Variants in OPCML observed in about 807,000 individuals in gnomAD.
OPCML encodes the protein opioid-binding protein/cell adhesion molecule.
A neutral mutation model predicts 37.8 loss-of-function variants in OPCML; 13 were observed. The observed-to-expected ratio is 0.34, with a 90% CI of 0.22 to 0.55. The LOEUF (loss-of-function observed/expected upper bound fraction) is 0.55, where lower values mean the gene tolerates loss of function less well. Among genes scored for constraint, OPCML ranks in the 20% least tolerant of loss-of-function variants. The pLI, the probability that OPCML is intolerant of heterozygous loss-of-function variation, is 0.91. For synonymous variants in OPCML, 176 were observed against 168.8 expected (o/e 1.04, Z -0.33); for missense variants, 341 against 435.6 (o/e 0.78, Z 1.93).
At chr11:132,543,891 C>A (rs1423510604) in intron 3 of OPCML, among the ~76,000 whole-genome samples, 1 of 151,942 alleles carries the variant, frequency 6.6e-6, no homozygotes, top group Non-Finnish European at 1.5e-5. Flanking sequence ...TTTTTCAAAT[C>A]TTTAAAACCT....
intron 2 of OPCML, among the ~76,000 whole-genome samples, chr11:132,750,916 G>A (rs1223704443): frequency 6.6e-6 from 1 of 151,532 alleles, no homozygotes; most frequent in Non-Finnish European, 1.5e-5. Context: ...GTATTAACAC[G>A]GTATATTTTC....
intron 1 of OPCML, among the ~76,000 whole-genome samples, chr11:133,108,793 C>T (rs893405962): frequency 8.4e-6 from 1 of 118,646 alleles, no homozygotes; most frequent in African/African-American, 3.4e-5. Context: ...CAGCGCTTTG[C>T]AAACTACAGG....
At chr11:132,798,091 A>G (rs1374143445) in intron 2 of OPCML, among the ~76,000 whole-genome samples, 1 of 151,900 alleles carries the variant, frequency 6.6e-6, no homozygotes. Context: ...TTATTTATGT[A>G]TTTATTTTTG....
intron 1 of OPCML, among the ~76,000 whole-genome samples, chr11:133,028,525 G>C (rs1254176947): frequency 5.8e-5 from 1 of 17,182 alleles, no homozygotes; most frequent in Non-Finnish European, 8.5e-5. Context: ...GATAAGGAGC[G>C]TGTGTGTGTG....
At chr11:132,457,731 G>A (rs2096087314) in intron 4 of OPCML, among the ~76,000 whole-genome samples, 1 of 152,158 alleles carries the variant, frequency 6.6e-6, no homozygotes, top group African/African-American at 2.4e-5. Flanking sequence ...TCCCAATTCA[G>A]GGCTAAAGCA....
chr11:133,504,842 G>C (rs1429311484), intron 1 of OPCML, among the ~76,000 whole-genome samples: 5 of 152,216 alleles, frequency 3.3e-5, no homozygotes, highest in Non-Finnish European at 7.3e-5. Flanking sequence ...GAGACAAAAT[G>C]TCATTAGCCT....
intron 1 of OPCML, among the ~76,000 whole-genome samples, chr11:133,168,677 T>C (rs1483204718): frequency 6.6e-6 from 1 of 152,206 alleles, no homozygotes; most frequent in East Asian, 1.9e-4. Context: ...CAGCAACCAA[T>C]GGATCTTCCA....
intron 2 of OPCML, among the ~76,000 whole-genome samples, chr11:132,792,395 C>T (rs771847552): frequency 2.0e-5 from 3 of 152,166 alleles, no homozygotes; most frequent in Non-Finnish European, 2.9e-5. Flanking sequence ...TTAACCACAT[C>T]TCCACATCTT....
chr11:133,288,406 C>G (rs767006549), intron 1 of OPCML, among the ~76,000 whole-genome samples: 1 of 152,186 alleles, frequency 6.6e-6, no homozygotes, highest in African/African-American at 2.4e-5. Context: ...CCTTAAGCTA[C>G]CAGGCCCACT....
intron 4 of OPCML, among the ~76,000 whole-genome samples, chr11:132,519,881 A>G (rs1373379480): frequency 6.6e-6 from 1 of 152,180 alleles, no homozygotes; most frequent in Non-Finnish European, 1.5e-5. Context: ...AGACTGGATG[A>G]TGCAGCAGGT....
At chr11:132,759,328 G>A (rs1324890594) in intron 2 of OPCML, among the ~76,000 whole-genome samples, 1 of 152,186 alleles carries the variant, frequency 6.6e-6, no homozygotes, top group Non-Finnish European at 1.5e-5. Flanking sequence ...ATGAGTTAGT[G>A]AGGAGTCTCT....
chr11:132,593,215 G>A (rs997672714), intron 3 of OPCML, among the ~76,000 whole-genome samples: 6 of 152,134 alleles, frequency 3.9e-5, no homozygotes, highest in Non-Finnish European at 8.8e-5. Context: ...AAGTTCAACA[G>A]CCCCACAGAG....
rs183850744 is a variant in OPCML at position 133,180,645 on chromosome 11, G to T, written c.62-237635C>A. Among the ~76,000 whole-genome samples the T allele has an allele frequency of 1.4e-4, 21 of 152,212 alleles. No individual in the cohort carries two copies. In the East Asian group the frequency reaches 3.9e-3, roughly 28 times the overall value. ...TTCAGGCTAGAAGGGAGGACACATGGTTGGGAGGAGGGGCTGTGAGTAGGA... is the reference window on the plus strand; with the variant it reads ...TTCAGGCTAGAAGGGAGGACACATGTTTGGGAGGAGGGGCTGTGAGTAGGA... On this transcript the variant is annotated intron_variant, in intron 1 of 7. Coordinates refer to ENST00000524381, the MANE Select transcript of OPCML (RefSeq NM_001012393.5).
At chr11:132,903,108 C>A (rs186225184) in intron 2 of OPCML, among the ~76,000 whole-genome samples, 6 of 152,286 alleles carry the variant, frequency 3.9e-5, no homozygotes, top group Admixed American at 1.3e-4. Context: ...AACTATCTGG[C>A]CCTTCTTTGA....
chr11:132,744,518 G>A (rs569098837), intron 2 of OPCML, among the ~76,000 whole-genome samples: 2 of 152,298 alleles, frequency 1.3e-5, no homozygotes, highest in African/African-American at 2.4e-5. Flanking sequence ...CCAGGCTGCT[G>A]TAAGCATTGA....
intron 2 of OPCML, among the ~76,000 whole-genome samples, chr11:132,908,517 C>T (rs1204316274): frequency 6.6e-6 from 1 of 152,192 alleles, no homozygotes; most frequent in Non-Finnish European, 1.5e-5. Flanking sequence ...TCCAAGCCCT[C>T]TCCCTGGGTC....
chr11:132,778,295 C>T (rs1946877679), intron 2 of OPCML, among the ~76,000 whole-genome samples: 1 of 152,248 alleles, frequency 6.6e-6, no homozygotes. Context: ...GGCCCCAGGC[C>T]ACCCACACTG....
At chr11:133,345,906 A>C (rs1204087004) in intron 1 of OPCML, among the ~76,000 whole-genome samples, 1 of 152,158 alleles carries the variant, frequency 6.6e-6, no homozygotes, top group Non-Finnish European at 1.5e-5. Flanking sequence ...GAACACAGGC[A>C]CTCTAGATTT....
intron 2 of OPCML, among the ~76,000 whole-genome samples, chr11:132,870,449 C>T (rs1226203840): frequency 6.6e-6 from 1 of 152,008 alleles, no homozygotes; most frequent in East Asian, 1.9e-4. Context: ...AACAGGATGA[C>T]AGTTCTTCAA....
Sources: allele counts gnomAD v4.1 joint callset (sites outside exome capture counted in the v4.1 genomes callset), GRCh38; gene constraint gnomAD v4.1.1; transcripts MANE v1.5; gene names NCBI Gene and HGNC (gene_info 2026-07-23, HGNC 2026-07-21).